SPAG17: variants seen among roughly 807,000 people sequenced by gnomAD.
SPAG17 encodes sperm-associated antigen 17.
SPAG17 carries 169 observed loss-of-function variants against 273.6 expected under a neutral mutation model. The ratio of observed to expected loss-of-function variants is 0.62; its 90% CI spans 0.55 to 0.70. The LOEUF is 0.70. Ranked by LOEUF, SPAG17 falls within the 30% of genes least tolerant of loss-of-function variation. The pLI is 0.00. For missense variants in SPAG17, 2,557 were observed against 2,627.8 expected (o/e 0.97, Z 0.59); for synonymous variants, 825 against 873.2 (o/e 0.94, Z 0.97).
rs768041199 is a variant in SPAG17 at position 118,042,046 on chromosome 1, T to A, written c.2815-4A>T. ...GATGTTGCTCTTCTTTCCATGCCTGTAAACACATTTAAGAAATTTAACAGG... is the reference window on the plus strand; with the variant it reads ...GATGTTGCTCTTCTTTCCATGCCTGAAAACACATTTAAGAAATTTAACAGG... On this transcript the variant is annotated splice_region_variant and splice_polypyrimidine_tract_variant and intron_variant, in intron 20 of 48. Transcript: ENST00000336338. 1 of 1,599,902 alleles carries A rather than the reference T, an allele frequency of 6.3e-7. No homozygotes were observed. Among genetic ancestry groups the A allele is most frequent in the Non-Finnish European group, 8.5e-7 (1 of 1,176,614 alleles).
chr1:118,033,863 C>T (rs1648762194), intron 24 of SPAG17, among the ~76,000 whole-genome samples: 1 of 152,216 alleles, frequency 6.6e-6, no homozygotes, highest in Non-Finnish European at 1.5e-5. Context: ...ATCTGAAATG[C>T]TACAATTTCT....
At chr1:118,025,489 A>G in intron 26 of SPAG17, 73 bp from the exon 27 acceptor site, 1 of 1,131,136 alleles carries the variant, frequency 8.8e-7, no homozygotes. Context: ...TTGCTTAATT[A>G]TTTTCTTTTT....
intron 15 of SPAG17, among the ~76,000 whole-genome samples, chr1:118,079,421 T>C (rs2102136340): frequency 1.3e-5 from 2 of 152,164 alleles, no homozygotes; most frequent in Middle Eastern, 3.4e-3. Context: ...ATTCCTTATA[T>C]GATTTTTATT....
rs1647905130 is a variant in SPAG17 at position 118,027,631 on chromosome 1, G to A, written c.3730+643C>T. Among the ~76,000 whole-genome samples the A allele has an allele frequency of 2.0e-5, 3 of 152,186 alleles. No individual in the cohort carries two copies. The South Asian group carries it at 6.2e-4, about 31-fold the overall frequency. Reference sequence around the variant, plus strand: ...TGCATCTTCTACTTCTACTGCAACAGTGAGTTTCTATTTAAATATATTCAA... The same window carrying A: ...TGCATCTTCTACTTCTACTGCAACAATGAGTTTCTATTTAAATATATTCAA... On this transcript the variant is annotated intron_variant, in intron 26 of 48. Transcript: ENST00000336338.
At chr1:117,981,022 T>C (rs1212279170) in intron 43 of SPAG17, among the ~76,000 whole-genome samples, 1 of 152,114 alleles carries the variant, frequency 6.6e-6, no homozygotes. Context: ...TGAAATAAAA[T>C]AACATCAAAA....
chr1:118,083,214 C>T (rs960783972), intron 13 of SPAG17, among the ~76,000 whole-genome samples: 3 of 152,124 alleles, frequency 2.0e-5, no homozygotes, highest in African/African-American at 7.2e-5. Context: ...TCTCGGCCTC[C>T]CAGAGTGCTG....
intron 17 of SPAG17, among the ~76,000 whole-genome samples, chr1:118,070,717 T>C (rs367658576): frequency 1.3e-5 from 2 of 152,218 alleles, no homozygotes; most frequent in African/African-American, 4.8e-5. Flanking sequence ...ATATTTAACC[T>C]GATAGATAAA....
intron 3 of SPAG17, among the ~76,000 whole-genome samples, chr1:118,125,850 C>A (rs937847324): frequency 3.9e-5 from 6 of 152,180 alleles, no homozygotes; most frequent in Non-Finnish European, 5.9e-5. Context: ...ACAGATATTT[C>A]TTTAATATAC....
intron 40 of SPAG17, among the ~76,000 whole-genome samples, 159 bp from the exon 41 acceptor site, chr1:117,984,941 G>C (rs1656243693): frequency 6.6e-6 from 1 of 152,154 alleles, no homozygotes; most frequent in African/African-American, 2.4e-5. Context: ...ACTTGTTTTG[G>C]TTAATTTTCT....
chr1:118,035,381 A>G (rs2101899834), intron 24 of SPAG17, among the ~76,000 whole-genome samples: 1 of 152,322 alleles, frequency 6.6e-6, no homozygotes, highest in Non-Finnish European at 1.5e-5. Context: ...TTAAGCCAAA[A>G]TAATGATAAC....
intron 5 of SPAG17, 139 bp downstream of exon 5, chr1:118,101,601 C>T: frequency 3.8e-6 from 3 of 795,702 alleles, no homozygotes; most frequent in South Asian, 1.8e-5. Context: ...ATTCTAGTGT[C>T]TCTAGGGCAA....
At chr1:117,984,939 T>C (rs967831093) in intron 40 of SPAG17, among the ~76,000 whole-genome samples, 157 bp from the exon 41 acceptor site, 43 of 152,232 alleles carry the variant, frequency 2.8e-4, no homozygotes, top group Admixed American at 2.0e-3. Context: ...CAACTTGTTT[T>C]GGTTAATTTT....
rs1655376725 is a variant in SPAG17 at position 118,091,606 on chromosome 1, C to G, written c.1359G>C (p.Gln453His). 2 of 1,587,396 alleles carry G rather than the reference C, an allele frequency of 1.3e-6. No individual in the cohort carries two copies. The highest frequency in any genetic ancestry group is 1.7e-5 in the Admixed American group (1 of 59,686). The change falls in exon 10 of 49, where the codon CAG (glutamine) becomes CAC (histidine). Residue 453 changes from glutamine to histidine, a missense_variant and splice_region_variant. By Grantham distance (24) the Gln-to-His change is conservative. Transcript: ENST00000336338. ...ACAACCTGGGAAAAAGCCTCCCCAC[C>G]TGTTCCAGCATACAATGCAGTATCA... ...VPLILHCMLE[Q>H]VVATEEDLVP...
chr1:118,009,248 AACACACACAC>A (rs55873088), intron 30 of SPAG17, among the ~76,000 whole-genome samples: 39 of 142,694 alleles, frequency 2.7e-4, no homozygotes, highest in African/African-American at 7.0e-4. Context: ...AGGTGCTCAT[AACACACACAC>A]ACACACACAC....
intron 46 of SPAG17, among the ~76,000 whole-genome samples, chr1:117,969,310 G>C (rs902239621): frequency 3.3e-5 from 5 of 152,212 alleles, no homozygotes; most frequent in African/African-American, 9.7e-5. Flanking sequence ...GTTGGGCGCA[G>C]TGGCTCATGC....
intron 3 of SPAG17, among the ~76,000 whole-genome samples, chr1:118,135,411 A>ATGTG (rs1296722404): frequency 1.2e-4 from 10 of 83,184 alleles, no homozygotes; most frequent in East Asian, 3.4e-4. Context: ...GTGTGTGTGT[A>ATGTG]TGTGTGTGTG....
chr1:118,107,773 C>A (rs1242223052), intron 4 of SPAG17, among the ~76,000 whole-genome samples: 3 of 152,078 alleles, frequency 2.0e-5, no homozygotes, highest in Non-Finnish European at 4.4e-5. Flanking sequence ...CTTACAAAAG[C>A]CACCACAATT....
intron 3 of SPAG17, among the ~76,000 whole-genome samples, chr1:118,126,918 T>G (rs1570740650): frequency 6.6e-6 from 1 of 152,212 alleles, no homozygotes; most frequent in East Asian, 1.9e-4. Context: ...ATATCCAGTT[T>G]CCCAGCACCA....
intron 27 of SPAG17, among the ~76,000 whole-genome samples, chr1:118,024,771 A>G (rs1231858888): frequency 6.6e-6 from 1 of 151,756 alleles, no homozygotes; most frequent in African/African-American, 2.4e-5. Flanking sequence ...TTTGTGTTAG[A>G]ATTCCCATTT....
Sources: allele counts gnomAD v4.1 joint callset (sites outside exome capture counted in the v4.1 genomes callset), GRCh38; gene constraint gnomAD v4.1.1; transcripts MANE v1.5; gene names NCBI Gene and HGNC (gene_info 2026-07-23, HGNC 2026-07-21).